Variants in ACAP2 observed in about 807,000 individuals in gnomAD.
ACAP2 encodes the protein arf-GAP with coiled-coil, ANK repeat and PH domain-containing protein 2.
A neutral mutation model predicts 115.8 loss-of-function variants in ACAP2; 39 were observed. The ratio of observed to expected loss-of-function variants is 0.34; its 90% CI spans 0.26 to 0.44. The LOEUF (loss-of-function observed/expected upper bound fraction) is 0.44, where lower values mean the gene tolerates loss of function less well. ACAP2 is among the 20% of genes least tolerant of loss of function. The probability of loss-of-function intolerance (pLI) is 1.00; values close to 1 mark genes in which losing one functional copy is unlikely to be tolerated. For synonymous variants in ACAP2, 289 were observed against 315.8 expected, an observed-to-expected ratio of 0.92 and a Z score of 0.90; for missense variants, 662 against 927.6, an observed-to-expected ratio of 0.71 and a Z score of 3.72.
Position 195,345,214 on chromosome 3 carries a change from CATT to C in ACAP2, c.344+42_344+44del, listed in dbSNP as rs763812572. The C allele has an allele frequency of 2.4e-4, 302 of 1,270,130 alleles. 2 individuals are homozygous for C. The highest frequency in any genetic ancestry group is 3.4e-4 in the Non-Finnish European group (295 of 868,796). The allele number at this position is 1,270,130 out of a possible 1,614,324, so 78.7% of individuals were successfully genotyped here. A position where few individuals can be genotyped will look rare whatever the true frequency, so the allele number is the denominator to read the frequency against. On this transcript the variant is annotated intron_variant, in intron 5 of 22. Coordinates refer to ENST00000326793, the MANE Select transcript of ACAP2 (RefSeq NM_012287.6). Reference sequence around the variant, plus strand: ...AAAAGATACGAATTCTCAGATTGATCATTAACTAGTTAATTTTCTTTCCTCTTC... The same window carrying C: ...AAAAGATACGAATTCTCAGATTGATCAACTAGTTAATTTTCTTTCCTCTTC...
intron 1 of ACAP2, among the ~76,000 whole-genome samples, chr3:195,422,243 A>C (rs2108836010): frequency 6.6e-6 from 1 of 152,304 alleles, no homozygotes; most frequent in African/African-American, 2.4e-5. Context: ...TGTATTTTAA[A>C]GCAAATCCTA....
At chr3:195,412,023 G>A (rs1440118554) in intron 1 of ACAP2, among the ~76,000 whole-genome samples, 1 of 151,472 alleles carries the variant, frequency 6.6e-6, no homozygotes, top group Non-Finnish European at 1.5e-5. Context: ...ATCTACACTT[G>A]GCTAAAAATA....
intron 1 of ACAP2, among the ~76,000 whole-genome samples, chr3:195,400,445 A>C (rs1268892389): frequency 6.6e-6 from 1 of 152,072 alleles, no homozygotes; most frequent in East Asian, 1.9e-4. Context: ...ACAGAATACT[A>C]ATCCAAGGAA....
intron 10 of ACAP2, among the ~76,000 whole-genome samples, chr3:195,309,838 C>T (rs189826538): frequency 2.2e-3 from 327 of 152,074 alleles, no homozygotes; most frequent in African/African-American, 6.9e-3. Context: ...AATTTACTTA[C>T]GATCTTTTTT....
chr3:195,286,581 C>G (rs1368940619), intron 21 of ACAP2, among the ~76,000 whole-genome samples: 1 of 152,180 alleles, frequency 6.6e-6, no homozygotes, highest in Non-Finnish European at 1.5e-5. Context: ...CTCCATCACC[C>G]TCTTCTGAAA....
At chr3:195,398,932 A>C (rs905231255) in intron 1 of ACAP2, among the ~76,000 whole-genome samples, 3 of 152,198 alleles carry the variant, frequency 2.0e-5, no homozygotes, top group African/African-American at 7.2e-5. Flanking sequence ...TCATTTAATC[A>C]CACCAGACCT....
intron 4 of ACAP2, chr3:195,349,705 A>T (rs1577339389): frequency 1.1e-5 from 2 of 174,590 alleles, no homozygotes; most frequent in East Asian, 3.5e-4. Flanking sequence ...ACATCCTGCC[A>T]TCGATAAGGT....
At chr3:195,398,840 T>C (rs1359605167) in intron 1 of ACAP2, among the ~76,000 whole-genome samples, 3 of 151,986 alleles carry the variant, frequency 2.0e-5, no homozygotes, top group Admixed American at 1.3e-4. Flanking sequence ...AGTCCTGTAA[T>C]AGGAAAGGGA....
intron 1 of ACAP2, among the ~76,000 whole-genome samples, chr3:195,396,380 T>C (rs532654236): frequency 1.3e-5 from 2 of 152,216 alleles, no homozygotes; most frequent in Admixed American, 6.5e-5. Context: ...CATATTCTTG[T>C]AGCAATAAAC....
chr3:195,291,878 C>G, intron 19 of ACAP2, 63 bp from the exon 20 acceptor site: 2 of 1,410,128 alleles, frequency 1.4e-6, no homozygotes, highest in East Asian at 2.5e-5. Flanking sequence ...CAATACATTT[C>G]TTTTTAAAAA....
chr3:195,381,770 C>A, intron 3 of ACAP2, 133 bp downstream of exon 3: 1 of 1,004,020 alleles, frequency 1.0e-6, no homozygotes. Context: ...AAGAGAGCAC[C>A]AAGGGGTGAC....
At chr3:195,328,170 C>T (rs1729924034) in intron 8 of ACAP2, among the ~76,000 whole-genome samples, 1 of 151,842 alleles carries the variant, frequency 6.6e-6, no homozygotes, top group African/African-American at 2.4e-5. Flanking sequence ...CTCTGAACCT[C>T]CATCACCTCT....
intron 8 of ACAP2, among the ~76,000 whole-genome samples, chr3:195,328,525 C>T (rs1048674166): frequency 3.3e-5 from 5 of 152,206 alleles, no homozygotes; most frequent in East Asian, 1.9e-4. Flanking sequence ...CTTAGTGACA[C>T]GTAGCATTGA....
At chr3:195,410,826 C>T (rs1713198583) in intron 1 of ACAP2, 1 of 163,170 alleles carries the variant, frequency 6.1e-6, no homozygotes. Context: ...GCTCCGCCTT[C>T]ATGAATGGAT....
intron 1 of ACAP2, among the ~76,000 whole-genome samples, chr3:195,395,367 A>G (rs1304416052): frequency 6.6e-6 from 1 of 152,244 alleles, no homozygotes; most frequent in Non-Finnish European, 1.5e-5. Context: ...GAGAAAGGGA[A>G]GAAAAGAGAA....
intron 10 of ACAP2, among the ~76,000 whole-genome samples, chr3:195,311,393 G>A (rs12054333): frequency 0.24 from 36,134 of 149,670 alleles, 5,049 homozygotes; most frequent in East Asian, 0.72. Flanking sequence ...CACCACGCCC[G>A]GCCCTAGTTG....
chr3:195,402,250 T>C (rs1290405490), intron 1 of ACAP2, among the ~76,000 whole-genome samples: 1 of 152,176 alleles, frequency 6.6e-6, no homozygotes, highest in Non-Finnish European at 1.5e-5. Context: ...ATTTGCGGCC[T>C]GGGGTCACGC....
intron 13 of ACAP2, among the ~76,000 whole-genome samples, chr3:195,303,757 A>G (rs2108972103): frequency 6.6e-6 from 1 of 152,332 alleles, no homozygotes; most frequent in South Asian, 2.1e-4. Context: ...AAACAGGGCA[A>G]GACTCTGTCT....
chr3:195,300,106 G>T (rs967147895), intron 15 of ACAP2, among the ~76,000 whole-genome samples: 1 of 149,414 alleles, frequency 6.7e-6, no homozygotes, highest in Non-Finnish European at 1.5e-5. Flanking sequence ...GAGTGCAGTG[G>T]TGCGATCTCG....
Sources: allele counts gnomAD v4.1 joint callset (sites outside exome capture counted in the v4.1 genomes callset), GRCh38; gene constraint gnomAD v4.1.1; transcripts MANE v1.5; gene names NCBI Gene and HGNC (gene_info 2026-07-23, HGNC 2026-07-21).